Variants in ABCA13 observed in about 807,000 individuals in gnomAD.
The protein encoded by ABCA13 is ATP binding cassette subfamily A member 13, also known as ATP-binding cassette sub-family A member 13.
ABCA13 carries 476 observed loss-of-function variants against 478.7 expected under a neutral mutation model. The observed-to-expected ratio is 0.99, with a 90% CI of 0.92 to 1.07. The LOEUF (loss-of-function observed/expected upper bound fraction) is 1.07, where lower values mean the gene tolerates loss of function less well. ABCA13 is among the 50% of genes least tolerant of loss of function. ABCA13 has a pLI of 0.00. For synonymous variants in ABCA13, 2,252 were observed against 2,158.9 expected (o/e 1.04, Z -1.20); for missense variants, 6,060 against 5,910.6 (o/e 1.03, Z -0.83).
intron 31 of ABCA13, among the ~76,000 whole-genome samples, chr7:48,356,127 G>A (rs913124234): frequency 1.1e-4 from 16 of 151,984 alleles, no homozygotes; most frequent in African/African-American, 3.9e-4. Flanking sequence ...GTCAAGCTGA[G>A]CAAAAGACTC....
intron 31 of ABCA13, among the ~76,000 whole-genome samples, chr7:48,354,347 A>G (rs1278685759): frequency 2.0e-5 from 3 of 151,998 alleles, no homozygotes; most frequent in Non-Finnish European, 4.4e-5. Flanking sequence ...ATATTTCCCA[A>G]GAAGGCACGA....
chr7:48,288,103 G>A, intron 20 of ABCA13, 25 bp downstream of exon 20: 1 of 1,596,846 alleles, frequency 6.3e-7, no homozygotes, highest in East Asian at 2.2e-5. Context: ...ATATTTCAGA[G>A]AATTTCATGT....
At chr7:48,311,657 A>G (rs1801796506) in intron 24 of ABCA13, among the ~76,000 whole-genome samples, 1 of 152,214 alleles carries the variant, frequency 6.6e-6, no homozygotes, top group African/African-American at 2.4e-5. Flanking sequence ...TCTCCCAGAC[A>G]CAATGAAAAT....
chr7:48,173,805 G>A (rs1410063503), intron 1 of ABCA13, among the ~76,000 whole-genome samples: 1 of 152,218 alleles, frequency 6.6e-6, no homozygotes, highest in African/African-American at 2.4e-5. Context: ...TTGTTTGTAA[G>A]TATTAAATGA....
intron 8 of ABCA13, among the ~76,000 whole-genome samples, chr7:48,235,061 C>T (rs925640731): frequency 6.6e-6 from 1 of 152,174 alleles, no homozygotes; most frequent in African/African-American, 2.4e-5. Flanking sequence ...TGCTCTCAGT[C>T]TCAGGGGTTA....
intron 41 of ABCA13, among the ~76,000 whole-genome samples, 198 bp downstream of exon 41, chr7:48,412,781 C>T (rs565276055): frequency 1.4e-5 from 2 of 147,598 alleles, no homozygotes; most frequent in East Asian, 4.0e-4. Context: ...GGCAATTGCC[C>T]TTTAAGTGAA....
At chr7:48,271,705 A>G (rs1397915218) in intron 16 of ABCA13, 82 bp from the exon 17 acceptor site, 64 of 858,370 alleles carry the variant, frequency 7.5e-5, no homozygotes, top group Non-Finnish European at 9.2e-5. Context: ...TTTACTATCA[A>G]TAAATGAGTA....
chr7:48,242,590 A>G (rs1791015443), intron 10 of ABCA13, among the ~76,000 whole-genome samples: 2 of 151,946 alleles, frequency 1.3e-5, no homozygotes, highest in Non-Finnish European at 2.9e-5. Flanking sequence ...GGCTCACACC[A>G]CTACTGCCCA....
Position 48,273,306 on chromosome 7 carries a change from A to G in ABCA13, c.3640A>G (p.Lys1214Glu). 6.2e-7 allele frequency: 1 copy of G among 1,613,600 alleles called. No individual in the cohort carries two copies. Among genetic ancestry groups the G allele is most frequent in the East Asian group, 2.2e-5 (1 of 44,850 alleles). Reference protein sequence around the residue: ...NVARLILNLFKNVTQANDFHN... With the variant: ...NVARLILNLFENVTQANDFHN... ...TGCTAGACTCATATTAAATTTGTTT[A>G]AAAATGTAACTCAAGCCAATGACTT... The change falls in exon 17 of 62, where the codon AAA becomes GAA. Residue 1214 changes from lysine (K) to glutamate (E), a missense_variant. This residue lies in a region of ABCA13 where 4,423 missense variants were observed against 4,309.1 expected (regional missense o/e 1.03). Transcript: ENST00000435803.
chr7:48,297,387 A>G, intron 22 of ABCA13, 76 bp downstream of exon 22: 4 of 1,360,818 alleles, frequency 2.9e-6, no homozygotes, highest in Middle Eastern at 3.6e-4. Flanking sequence ...TATTAAAATA[A>G]AACATACAAC....
chr7:48,198,999 A>C (rs1258335545), intron 3 of ABCA13, among the ~76,000 whole-genome samples: 2 of 152,184 alleles, frequency 1.3e-5, no homozygotes, highest in Non-Finnish European at 1.5e-5. Flanking sequence ...AATGCCCTGG[A>C]AACTTCTCCC....
intron 1 of ABCA13, among the ~76,000 whole-genome samples, chr7:48,179,036 A>G (rs1795286639): frequency 6.6e-6 from 1 of 150,536 alleles, no homozygotes; most frequent in South Asian, 2.1e-4. Flanking sequence ...ACAAAGACTT[A>G]CTTTCCCAAG....
At chr7:48,479,114 AT>A (rs764443179) in intron 45 of ABCA13, among the ~76,000 whole-genome samples, 1 of 149,502 alleles carries the variant, frequency 6.7e-6, no homozygotes, top group African/African-American at 2.5e-5. Flanking sequence ...CGCCCGGCTA[AT>A]TTTTTTTTGT....
intron 41 of ABCA13, 97 bp downstream of exon 41, chr7:48,412,680 A>T (rs1163301324): frequency 3.0e-6 from 2 of 669,922 alleles, no homozygotes; most frequent in Non-Finnish European, 4.4e-6. Context: ...AGATGTGGGT[A>T]AGGGGGAGGA....
At chr7:48,264,675 A>G (rs959002125) in intron 15 of ABCA13, among the ~76,000 whole-genome samples, 1 of 151,502 alleles carries the variant, frequency 6.6e-6, no homozygotes, top group African/African-American at 2.4e-5. Context: ...CAGGATACAA[A>G]CTCTTTATCA....
At chr7:48,288,182 C>A in intron 20 of ABCA13, 104 bp downstream of exon 20, 1 of 1,020,590 alleles carries the variant, frequency 9.8e-7, no homozygotes, top group Non-Finnish European at 1.5e-6. Context: ...ATAACTACAG[C>A]AATGGTGTCA....
At position 48,466,892 on chromosome 7, in the gene ABCA13, C is replaced by T. The variant is rs1409373616; in HGVS notation, c.12816-64C>T. On this transcript the variant is annotated intron_variant, in intron 43 of 61. Transcript: ENST00000435803. ...CAATGTGAGGTCAGCAGCTGGTTCT[C>T]CATTCTCTGTTGGGAGCCACTAATA... 2.6e-6 allele frequency: 4 copies of T among 1,512,198 alleles called. No homozygotes were observed. The East Asian group carries it at 6.8e-5, about 26-fold the overall frequency. 93.7% of individuals were successfully genotyped at this position (1,512,198 alleles called of 1,614,324 possible).
At chr7:48,450,887 G>T (rs1361917000) in intron 42 of ABCA13, among the ~76,000 whole-genome samples, 1 of 150,298 alleles carries the variant, frequency 6.7e-6, no homozygotes, top group East Asian at 1.9e-4. Context: ...GCAGATTAAT[G>T]TATTTTACTA....
rs1474798487 is a variant in ABCA13 at position 48,646,465 on chromosome 7, TG to T, written c.*955del. 1 of 152,192 alleles carries T rather than the reference TG, an allele frequency of 6.6e-6. No individual in the cohort carries two copies. Among genetic ancestry groups the T allele is most frequent in the African/African-American group, 2.4e-5 (1 of 41,450 alleles). 9.4% of individuals were successfully genotyped at this position (152,192 alleles called of 1,614,324 possible). On this transcript the variant is annotated 3_prime_UTR_variant, in exon 62 of 62. Coordinates refer to ENST00000435803, the MANE Select transcript of ABCA13 (RefSeq NM_152701.5). ...AGAACCAATGACCTAAGGGAATGTCTGGTTACCTCCTAGTTATACAAGCAAA... is the reference window on the plus strand; with the variant it reads ...AGAACCAATGACCTAAGGGAATGTCTGTTACCTCCTAGTTATACAAGCAAA...
Sources: gnomAD v4.1 joint callset for allele counts (sites outside exome capture counted in the v4.1 genomes callset) on GRCh38, gnomAD v4.1.1 for gene constraint, gnomAD v4.1.1 regional missense constraint, MANE v1.5 for transcripts, NCBI Gene and HGNC (gene_info 2026-07-23, HGNC 2026-07-21) for gene names.